The following CHCHD3 variants were observed in gnomAD, a reference collection of about 807,000 sequenced individuals.
The protein encoded by CHCHD3 is MICOS complex subunit MIC19.
In CHCHD3, 20 loss-of-function variants were observed where a neutral mutation model predicts 38.2. The observed-to-expected ratio is 0.52, with a 90% CI of 0.37 to 0.76. CHCHD3 has a LOEUF of 0.76. CHCHD3 is among the 30% of genes least tolerant of loss of function. The pLI, the probability that CHCHD3 is intolerant of heterozygous loss-of-function variation, is 0.00. For synonymous variants in CHCHD3, 82 were observed against 100.0 expected, an observed-to-expected ratio of 0.82 and a Z score of 1.07; for missense variants, 245 against 279.2, an observed-to-expected ratio of 0.88 and a Z score of 0.87.
chr7:133,027,887 T>C (rs529776390), intron 2 of CHCHD3, among the ~76,000 whole-genome samples: 15 of 152,292 alleles, frequency 9.8e-5, no homozygotes, highest in African/African-American at 4.8e-5. Context: ...AGTCTGCTTT[T>C]CAACTAGCCA....
At chr7:132,946,308 C>T (rs1376187109) in intron 4 of CHCHD3, among the ~76,000 whole-genome samples, 1 of 151,650 alleles carries the variant, frequency 6.6e-6, no homozygotes. Context: ...TGAAATGTAC[C>T]TGATATATAA....
chr7:132,969,101 G>A lies in CHCHD3; in HGVS notation c.369+6068C>T, dbSNP rs1415485450. Reference sequence around the variant, plus strand: ...AAAGTGACATTTTGGAGAAACAGTCGCTTAAATTTTCAAAAACTAAATTTA... The same window carrying A: ...AAAGTGACATTTTGGAGAAACAGTCACTTAAATTTTCAAAAACTAAATTTA... On this transcript the variant is annotated intron_variant, in intron 4 of 7. Transcript: ENST00000262570. Among the ~76,000 whole-genome samples, 6 of 150,632 alleles carry A rather than the reference G, an allele frequency of 4.0e-5. No individual in the cohort carries two copies. In the South Asian group the frequency reaches 6.3e-4, roughly 16 times the overall value.
chr7:132,846,434 G>T (rs1179676866), intron 5 of CHCHD3, among the ~76,000 whole-genome samples: 2 of 152,200 alleles, frequency 1.3e-5, no homozygotes, highest in Admixed American at 1.3e-4. Flanking sequence ...TGAGTAAAAT[G>T]GTAGCTGTTT....
At chr7:132,950,657 T>C (rs1250734402) in intron 4 of CHCHD3, among the ~76,000 whole-genome samples, 1 of 152,198 alleles carries the variant, frequency 6.6e-6, no homozygotes, top group Non-Finnish European at 1.5e-5. Flanking sequence ...AAATTTGTTA[T>C]TTTTTAAAGA....
intron 4 of CHCHD3, among the ~76,000 whole-genome samples, chr7:132,931,021 T>G (rs1027779610): frequency 3.9e-5 from 6 of 152,172 alleles, no homozygotes; most frequent in Non-Finnish European, 1.5e-5. Flanking sequence ...GAGTTCAAGT[T>G]TTGAGGTTGC....
intron 5 of CHCHD3, among the ~76,000 whole-genome samples, chr7:132,872,243 T>C (rs943509860): frequency 2.6e-5 from 4 of 152,188 alleles, no homozygotes; most frequent in Admixed American, 2.0e-4. Flanking sequence ...CACTCAGTCT[T>C]AGAATGGAAA....
chr7:132,990,138 A>G (rs1289387789), intron 3 of CHCHD3, among the ~76,000 whole-genome samples: 1 of 152,132 alleles, frequency 6.6e-6, no homozygotes, highest in Non-Finnish European at 1.5e-5. Flanking sequence ...ACGCCATTGC[A>G]CTCCAACCTG....
intron 6 of CHCHD3, among the ~76,000 whole-genome samples, chr7:132,819,897 G>GTGAA (rs1170995698): frequency 2.0e-5 from 3 of 152,200 alleles, no homozygotes; most frequent in African/African-American, 7.2e-5. Context: ...CCTCCCTTTA[G>GTGAA]TGAATGAACA....
chr7:132,987,636 A>T (rs973663974), intron 3 of CHCHD3, among the ~76,000 whole-genome samples: 3 of 152,246 alleles, frequency 2.0e-5, no homozygotes, highest in Non-Finnish European at 4.4e-5. Flanking sequence ...ACAAGGGTTC[A>T]GATTATCCAA....
rs140581266 is a variant in CHCHD3, at chr7:132,998,118, C to T, written c.252-22832G>A. Among the ~76,000 whole-genome samples the T allele has an allele frequency of 7.1e-3, 1,074 of 152,186 alleles. 11 individuals are homozygous for T. Among genetic ancestry groups the T allele is most frequent in the African/African-American group, 0.024 (999 of 41,512 alleles). ...CAAATATCCCAACACAAAATGCTTC[C>T]TATACAAAAATTCAACTATAACACG... On this transcript the variant is annotated intron_variant, in intron 3 of 7. Coordinates refer to ENST00000262570, the MANE Select transcript of CHCHD3 (RefSeq NM_017812.4).
chr7:132,923,209 C>G (rs970842156), intron 4 of CHCHD3, among the ~76,000 whole-genome samples: 2 of 152,076 alleles, frequency 1.3e-5, no homozygotes, highest in Admixed American at 6.5e-5. Context: ...CCAATAGGCC[C>G]TTCTAATAAT....
intron 4 of CHCHD3, among the ~76,000 whole-genome samples, chr7:132,920,644 T>C (rs1460617850): frequency 6.6e-6 from 1 of 152,206 alleles, no homozygotes; most frequent in Non-Finnish European, 1.5e-5. Flanking sequence ...GCTGACAGAA[T>C]GCTTTTGTGT....
chr7:132,857,115 T>C (rs1354487579), intron 5 of CHCHD3, among the ~76,000 whole-genome samples: 3 of 152,220 alleles, frequency 2.0e-5, no homozygotes, highest in African/African-American at 7.2e-5. Context: ...ATAATACACA[T>C]GGTGCACTGT....
chr7:132,895,189 C>T (rs964784074), intron 4 of CHCHD3, among the ~76,000 whole-genome samples: 2 of 152,194 alleles, frequency 1.3e-5, no homozygotes, highest in African/African-American at 2.4e-5. Context: ...CCAATGAGGC[C>T]TCTAGCTTTT....
chr7:132,998,923 G>A (rs1812494253), intron 3 of CHCHD3, among the ~76,000 whole-genome samples: 1 of 152,136 alleles, frequency 6.6e-6, no homozygotes, highest in Non-Finnish European at 1.5e-5. Flanking sequence ...AGGATTTACT[G>A]ACAAATCAGT....
chr7:133,055,237 TTA>T (rs1386900931), intron 2 of CHCHD3, among the ~76,000 whole-genome samples: 2 of 147,696 alleles, frequency 1.4e-5, no homozygotes, highest in African/African-American at 4.9e-5. Flanking sequence ...TTGCATATAC[TTA>T]TATGTTTATA....
Position 133,082,028 on chromosome 7 carries a change from TC to T in CHCHD3, c.-92del. ...CACACGCGCGTGGAAGGGCCTGGAT[TC>T]TTTTCCCGCACAGCGGGAGCAAGGC... On this transcript the variant is annotated 5_prime_UTR_variant, in exon 1 of 8. Transcript: ENST00000262570. 5.8e-6 allele frequency: 7 copies of T among 1,207,322 alleles called. No individual in the cohort carries two copies. The highest frequency in any genetic ancestry group is 7.9e-6 in the Non-Finnish European group (7 of 882,732). The allele number at this position is 1,207,322 out of a possible 1,614,324, so 74.8% of individuals were successfully genotyped here.
intron 3 of CHCHD3, among the ~76,000 whole-genome samples, chr7:133,009,912 C>T (rs1812816219): frequency 6.6e-6 from 1 of 152,124 alleles, no homozygotes; most frequent in Non-Finnish European, 1.5e-5. Flanking sequence ...CACTTTTAGA[C>T]AATGCTCATT....
chr7:132,999,383 T>C (rs1812508730), intron 3 of CHCHD3, among the ~76,000 whole-genome samples: 1 of 152,190 alleles, frequency 6.6e-6, no homozygotes, highest in Non-Finnish European at 1.5e-5. Flanking sequence ...GCATTTTGGT[T>C]AAGCATTAAC....
Sources: allele counts gnomAD v4.1 joint callset (sites outside exome capture counted in the v4.1 genomes callset), GRCh38; gene constraint gnomAD v4.1.1; transcripts MANE v1.5; gene names NCBI Gene and HGNC (gene_info 2026-07-23, HGNC 2026-07-21).